Variants in AAK1 observed in about 807,000 individuals in gnomAD.
The protein encoded by AAK1 is AP2-associated protein kinase 1.
AAK1 carries 37 observed loss-of-function variants against 116.0 expected under a neutral mutation model. That is an observed-to-expected ratio of 0.32 (90% CI 0.25 to 0.42). The LOEUF (loss-of-function observed/expected upper bound fraction) is 0.42, where lower values mean the gene tolerates loss of function less well. Among genes scored for constraint, AAK1 ranks in the 10% least tolerant of loss-of-function variants. The pLI is 1.00. For synonymous variants in AAK1, 458 were observed against 439.9 expected (o/e 1.04, Z -0.51); for missense variants, 919 against 1,170.6 (o/e 0.79, Z 3.14).
intron 2 of AAK1, among the ~76,000 whole-genome samples, chr2:69,637,940 T>C (rs1675522003): frequency 1.3e-5 from 2 of 152,218 alleles, no homozygotes; most frequent in Admixed American, 6.5e-5. Context: ...TTTACTTTGT[T>C]AGAAAGACTG....
At chr2:69,560,644 GA>G (rs1429215130) in intron 2 of AAK1, among the ~76,000 whole-genome samples, 1 of 152,152 alleles carries the variant, frequency 6.6e-6, no homozygotes, top group African/African-American at 2.4e-5. Flanking sequence ...AAATATGTAG[GA>G]TTTTTTTTTA....
rs1174957111 is a variant in AAK1, at chr2:69,597,942, GA to G, written c.164-40965del. The G allele has an allele frequency of 1.1e-5, 3 of 270,054 alleles. No homozygotes were observed. In the East Asian group the frequency reaches 1.8e-4, roughly 17 times the overall value. 16.7% of individuals were successfully genotyped at this position (270,054 alleles called of 1,614,324 possible). On this transcript the variant is annotated intron_variant, in intron 2 of 21. Transcript: ENST00000409085. ...TCCCATCCCTCAAATATGAAAGCCA[GA>G]CAGGCCATTGGAGTTACTTGAGATG...
intron 14 of AAK1, 129 bp from the exon 15 acceptor site, chr2:69,507,707 A>AC: frequency 1.5e-6 from 1 of 663,420 alleles, no homozygotes; most frequent in African/African-American, 2.0e-5. Context: ...CCACCACAGT[A>AC]TTTTTTTTTT....
rs147000475 is a variant in AAK1 at position 69,570,633 on chromosome 2, A to C, written c.164-13655T>G. Among the ~76,000 whole-genome samples the C allele has an allele frequency of 3.3e-5, 5 of 152,276 alleles. No homozygotes were observed. The East Asian group carries it at 9.7e-4, about 29-fold the overall frequency. On this transcript the variant is annotated intron_variant, in intron 2 of 21. Transcript: ENST00000409085. ...ATGAGTCACCAAAGAAAATAAAACT[A>C]GCAAGGAGAGCTTCTTATTTATCTT... is the stretch of plus-strand genomic sequence containing the variant.
rs1254101369 is a variant in AAK1, at chr2:69,499,859, C to T, written c.2270-3779G>A. The stretch of plus-strand genomic sequence containing the variant: ...CTGTAAAATGTCAGCAAATGCTCTT[C>T]TCTCAAGGTGGGGTTATAAGATTTT... On this transcript the variant is annotated intron_variant, in intron 16 of 21. Transcript: ENST00000409085. 3 of 152,186 alleles carry T rather than the reference C, an allele frequency of 2.0e-5. No individual in the cohort carries two copies. In the East Asian group the frequency reaches 5.8e-4, roughly 29 times the overall value. The allele number at this position is 152,186 out of a possible 1,614,324, so 9.4% of individuals were successfully genotyped here.
Position 69,470,922 on chromosome 2 carries a change from C to T in AAK1, c.*4947G>A, listed in dbSNP as rs1262086574. The T allele has an allele frequency of 1.0e-6, 1 of 985,704 alleles. No homozygotes were observed. Among genetic ancestry groups the T allele is most frequent in the African/African-American group, 1.7e-5 (1 of 57,224 alleles). The allele number at this position is 985,704 out of a possible 1,614,324, so 61.1% of individuals were successfully genotyped here. A position where few individuals can be genotyped will look rare whatever the true frequency, so the allele number is the denominator to read the frequency against. On this transcript the variant is annotated 3_prime_UTR_variant, in exon 22 of 22. Transcript: ENST00000409085. ...TTTACATCTCTAAACATCATGCTCC[C>T]ATTTGAACAGATAAAAGTCTTTATT...
At chr2:69,575,463 A>AT (rs1265518816) in intron 2 of AAK1, among the ~76,000 whole-genome samples, 2 of 150,696 alleles carry the variant, frequency 1.3e-5, no homozygotes, top group African/African-American at 4.9e-5. Context: ...AAGATAAACA[A>AT]ATTTTTTTTT....
At chr2:69,624,081 A>T (rs1017902044) in intron 2 of AAK1, among the ~76,000 whole-genome samples, 1 of 152,166 alleles carries the variant, frequency 6.6e-6, no homozygotes, top group African/African-American at 2.4e-5. Context: ...AGGGAGCTAG[A>T]GGAGAAAGGG....
chr2:69,488,149 CGTGTGTGT>C (rs58575925), intron 17 of AAK1, among the ~76,000 whole-genome samples: 8 of 144,654 alleles, frequency 5.5e-5, no homozygotes, highest in South Asian at 2.2e-4. Flanking sequence ...TGTGTGTGGA[CGTGTGTGT>C]GTGTGTGTGT....
chr2:69,475,967 G>C lies in AAK1; in HGVS notation c.2792-4C>G. On this transcript the variant is annotated splice_region_variant and splice_polypyrimidine_tract_variant and intron_variant, in intron 21 of 21. Transcript: ENST00000409085. ...CTGCTGTTTCTAGAGTGCCCACCTG[G>C]AAGTGGAGAGATAGGAATTCAGTAC... 1.2e-6 allele frequency: 2 copies of C among 1,609,464 alleles called. No individual in the cohort carries two copies. The highest frequency in any genetic ancestry group is 1.1e-5 in the South Asian group (1 of 90,036).
intron 2 of AAK1, among the ~76,000 whole-genome samples, chr2:69,609,893 AC>A (rs999995908): frequency 2.0e-5 from 3 of 151,684 alleles, no homozygotes; most frequent in African/African-American, 7.3e-5. Context: ...ACTAAAAAAT[AC>A]AAAAAATTAG....
chr2:69,471,134 C>CA lies in AAK1; in HGVS notation c.*4734dup. 1 of 985,660 alleles carries CA rather than the reference C, an allele frequency of 1.0e-6. No homozygotes were observed. Among genetic ancestry groups the CA allele is most frequent in the Non-Finnish European group, 1.2e-6 (1 of 829,906 alleles). 61.1% of individuals were successfully genotyped at this position (985,660 alleles called of 1,614,324 possible). ...CACATCCACATGACAAAGGAGAGTG[C>CA]AATAGGGCAGAGTAGAATACTCACA... On this transcript the variant is annotated 3_prime_UTR_variant, in exon 22 of 22. Transcript: ENST00000409085.
rs1454667615 is a variant in AAK1, at chr2:69,468,156, G to A, written c.*7713C>T. 9.1e-6 allele frequency: 9 copies of A among 985,166 alleles called. No individual in the cohort carries two copies. Among genetic ancestry groups the A allele is most frequent in the Admixed American group, 6.1e-5 (1 of 16,262 alleles). 61.0% of individuals were successfully genotyped at this position (985,166 alleles called of 1,614,324 possible). On this transcript the variant is annotated 3_prime_UTR_variant, in exon 22 of 22. Transcript: ENST00000409085. ...TTTCCTTGTATTATAATTTTAGTAT[G>A]TGCAGCTACATGGTGATACGAAAGC...
In AAK1 at chr2:69,614,226, G is replaced by A. The variant is rs563914587; in HGVS notation, c.163+28652C>T. Among the ~76,000 whole-genome samples the A allele has an allele frequency of 2.6e-5, 4 of 152,250 alleles. No homozygotes were observed. In the South Asian group the frequency reaches 8.3e-4, roughly 32 times the overall value. On this transcript the variant is annotated intron_variant, in intron 2 of 21. Transcript: ENST00000409085. Reference sequence around the variant, plus strand: ...GTTTCATTTACTGTCCATGACTAGAGAGAAATACCAAAGAAACACAAAATA... The same window carrying A: ...GTTTCATTTACTGTCCATGACTAGAAAGAAATACCAAAGAAACACAAAATA...
chr2:69,529,109 TCA>T (rs1264915988), intron 8 of AAK1, among the ~76,000 whole-genome samples: 1 of 152,228 alleles, frequency 6.6e-6, no homozygotes, highest in African/African-American at 2.4e-5. Context: ...TTTCTCAGTT[TCA>T]GTTTCCTCAT....
chr2:69,549,536 T>C (rs1304336468), intron 3 of AAK1, among the ~76,000 whole-genome samples: 1 of 152,186 alleles, frequency 6.6e-6, no homozygotes, highest in African/African-American at 2.4e-5. Flanking sequence ...ATTCTTTTTA[T>C]AAGAATGGCC....
intron 6 of AAK1, 80 bp from the exon 7 acceptor site, chr2:69,530,786 C>A: frequency 2.7e-6 from 3 of 1,114,486 alleles, no homozygotes; most frequent in Non-Finnish European, 4.0e-6. Context: ...TACTTTTTTT[C>A]TTTTTACATT....
intron 10 of AAK1, among the ~76,000 whole-genome samples, chr2:69,522,199 C>T (rs1021516153): frequency 2.6e-5 from 4 of 152,196 alleles, no homozygotes; most frequent in Non-Finnish European, 5.9e-5. Flanking sequence ...CAGAGTATAA[C>T]TGAGGTTAGG....
intron 3 of AAK1, among the ~76,000 whole-genome samples, chr2:69,554,783 G>GT (rs1427298897): frequency 6.6e-6 from 1 of 152,188 alleles, no homozygotes; most frequent in Non-Finnish European, 1.5e-5. Flanking sequence ...GACGTTTTTT[G>GT]TAACAAGCTT....
Sources: gnomAD v4.1 joint callset for allele counts (sites outside exome capture counted in the v4.1 genomes callset) on GRCh38, gnomAD v4.1.1 for gene constraint, MANE v1.5 for transcripts, NCBI Gene and HGNC (gene_info 2026-07-23, HGNC 2026-07-21) for gene names.